Variants in POLR3G observed in about 807,000 individuals in gnomAD.
The protein encoded by POLR3G is DNA-directed RNA polymerase III subunit RPC7.
Under a neutral mutation model 30.1 loss-of-function variants are expected in POLR3G, and 28 were observed. That is an observed-to-expected ratio of 0.93 (90% CI 0.69 to 1.27). The LOEUF (loss-of-function observed/expected upper bound fraction) is 1.27. Ranked by LOEUF, POLR3G falls within the 50% of genes most tolerant of loss-of-function variation. The pLI is 0.00. For missense variants in POLR3G, 254 were observed against 264.6 expected (o/e 0.96, Z 0.28); for synonymous variants, 79 against 82.5 (o/e 0.96, Z 0.23).
intron 2 of POLR3G, 80 bp from the exon 3 acceptor site, chr5:90,487,920 T>A (rs1287878754): frequency 1.7e-6 from 2 of 1,153,134 alleles, no homozygotes; most frequent in Non-Finnish European, 2.3e-6. Context: ...ATAAAACTGC[T>A]GTTTTCTATA....
chr5:90,500,403 T>C (rs1166287980), intron 5 of POLR3G, among the ~76,000 whole-genome samples: 1 of 152,120 alleles, frequency 6.6e-6, no homozygotes, highest in Non-Finnish European at 1.5e-5. Flanking sequence ...TTCTCTAGTA[T>C]CCCTTCAACA....
At chr5:90,502,917 A>G (rs1752321932) in intron 6 of POLR3G, among the ~76,000 whole-genome samples, 1 of 152,062 alleles carries the variant, frequency 6.6e-6, no homozygotes, top group East Asian at 1.9e-4. Flanking sequence ...TGTTATTAAC[A>G]ATGCTGCAAT....
intron 5 of POLR3G, among the ~76,000 whole-genome samples, chr5:90,499,828 C>CAGT (rs368407223): frequency 0.3 from 46,145 of 151,892 alleles, 7,625 homozygotes; most frequent in Non-Finnish European, 0.38. Context: ...AGTATATAAT[C>CAGT]ATATTTAGCT....
intron 4 of POLR3G, among the ~76,000 whole-genome samples, chr5:90,496,520 C>A (rs947136574): frequency 1.3e-5 from 2 of 152,116 alleles, no homozygotes; most frequent in African/African-American, 4.8e-5. Context: ...TCAAAAGAAC[C>A]ATATCCAAAA....
At chr5:90,483,362 T>G (rs1050826362) in intron 1 of POLR3G, among the ~76,000 whole-genome samples, 3 of 152,288 alleles carry the variant, frequency 2.0e-5, no homozygotes, top group African/African-American at 7.2e-5. Context: ...CTCAGTATCA[T>G]AGCCATTATG....
intron 1 of POLR3G, among the ~76,000 whole-genome samples, chr5:90,483,224 C>T (rs773823734): frequency 7.9e-5 from 12 of 152,034 alleles, no homozygotes; most frequent in African/African-American, 2.2e-4. Context: ...TCCGGTCTCC[C>T]GCACAGCCAG....
At chr5:90,502,087 A>T in intron 6 of POLR3G, 99 bp downstream of exon 6, 1 of 1,497,960 alleles carries the variant, frequency 6.7e-7, no homozygotes, top group Non-Finnish European at 8.9e-7. Context: ...CTTACTTTTT[A>T]ATAATGTAAA....
chr5:90,505,644 TTC>T (rs1452219827), intron 6 of POLR3G, among the ~76,000 whole-genome samples: 11 of 152,188 alleles, frequency 7.2e-5, no homozygotes, highest in African/African-American at 2.4e-4. Context: ...GAGTTTTAAT[TTC>T]TCTCTTTCTT....
intron 3 of POLR3G, among the ~76,000 whole-genome samples, chr5:90,491,430 A>T (rs1028200203): frequency 2.0e-5 from 3 of 152,184 alleles, no homozygotes; most frequent in Non-Finnish European, 4.4e-5. Context: ...TTATACATTT[A>T]CTTAAATACA....
chr5:90,499,381 G>A (rs895954372), intron 5 of POLR3G, among the ~76,000 whole-genome samples: 2 of 152,188 alleles, frequency 1.3e-5, no homozygotes, highest in African/African-American at 4.8e-5. Flanking sequence ...GGTCAACAAT[G>A]TTAAAAGATG....
chr5:90,474,542 A>C, upstream of POLR3G: 1 of 519,546 alleles, frequency 1.9e-6, no homozygotes, highest in Non-Finnish European at 3.4e-6. Context: ...CGCCACCAGC[A>C]CGGGGGCGCA....
intron 5 of POLR3G, among the ~76,000 whole-genome samples, chr5:90,499,061 T>A (rs1001717603): frequency 6.6e-6 from 1 of 152,194 alleles, no homozygotes; most frequent in Non-Finnish European, 1.5e-5. Context: ...AGATGTTACT[T>A]ATGGTTCCTT....
intron 3 of POLR3G, among the ~76,000 whole-genome samples, chr5:90,493,763 A>G (rs374404253): frequency 1.2e-4 from 14 of 118,992 alleles, no homozygotes; most frequent in African/African-American, 4.2e-4. Flanking sequence ...GCTGGAATGC[A>G]GTGGCATTAT....
At chr5:90,505,068 T>A (rs1393942659) in intron 6 of POLR3G, among the ~76,000 whole-genome samples, 1 of 152,194 alleles carries the variant, frequency 6.6e-6, no homozygotes, top group Non-Finnish European at 1.5e-5. Context: ...TCTGTTGTCT[T>A]TGATTTCCTT....
chr5:90,477,775 C>T (rs1160827056), intron 1 of POLR3G, among the ~76,000 whole-genome samples: 1 of 152,126 alleles, frequency 6.6e-6, no homozygotes, highest in Admixed American at 6.5e-5. Context: ...AAGAATGAAG[C>T]AACAAAAGCA....
In POLR3G at chr5:90,514,162, C is replaced by G. The variant is rs1752860553; in HGVS notation, c.*2023C>G. ...TTACAATGTTAAAGTATACTAGTTG[C>G]AAGAACAAGCAGGATTTGCAGGTTG... On this transcript the variant is annotated 3_prime_UTR_variant, in exon 8 of 8. Transcript: ENST00000651687. The G allele has an allele frequency of 6.6e-6, 1 of 152,142 alleles. No individual in the cohort carries two copies. The highest frequency in any genetic ancestry group is 1.5e-5 in the Non-Finnish European group (1 of 68,034). The allele number at this position is 152,142 out of a possible 1,614,324, so 9.4% of individuals were successfully genotyped here.
chr5:90,480,131 C>T (rs959537877), intron 1 of POLR3G, among the ~76,000 whole-genome samples: 1 of 152,018 alleles, frequency 6.6e-6, no homozygotes, highest in Non-Finnish European at 1.5e-5. Context: ...TGAAATTGGG[C>T]CATATGAAGT....
At chr5:90,495,325 T>C (rs1051367241) in intron 3 of POLR3G, among the ~76,000 whole-genome samples, 4 of 152,198 alleles carry the variant, frequency 2.6e-5, no homozygotes, top group African/African-American at 9.7e-5. Flanking sequence ...GGAAAAGAGT[T>C]TGTGCCCTCC....
At position 90,512,185 on chromosome 5, in the gene POLR3G, A is replaced by G. The variant is rs1697110839; in HGVS notation, c.*46A>G. The G allele has an allele frequency of 8.8e-7, 1 of 1,134,136 alleles. No homozygotes were observed. The highest frequency in any genetic ancestry group is 1.2e-5 in the South Asian group (1 of 80,168). The allele number at this position is 1,134,136 out of a possible 1,614,324, so 70.3% of individuals were successfully genotyped here. A position where few individuals can be genotyped will look rare whatever the true frequency, so the allele number is the denominator to read the frequency against. ...TATTTTTATGATGCAGCTTCTGAAC[A>G]TTTGGACAGACTTGATTTGTATTTT... On this transcript the variant is annotated 3_prime_UTR_variant, in exon 8 of 8. Transcript: ENST00000651687.
Sources: gnomAD v4.1 joint callset for allele counts (sites outside exome capture counted in the v4.1 genomes callset) on GRCh38, gnomAD v4.1.1 for gene constraint, MANE v1.5 for transcripts, NCBI Gene and HGNC (gene_info 2026-07-23, HGNC 2026-07-21) for gene names.